Variants in ADCY2 observed in about 807,000 individuals in gnomAD.
ADCY2 encodes adenylate cyclase type 2.
Under a neutral mutation model 125.2 loss-of-function variants are expected in ADCY2, and 31 were observed. The ratio of observed to expected loss-of-function variants is 0.25; its 90% CI spans 0.19 to 0.33. ADCY2 has a LOEUF of 0.33. ADCY2 is among the 10% of genes least tolerant of loss of function. The probability of loss-of-function intolerance (pLI) is 1.00; values close to 1 mark genes in which losing one functional copy is unlikely to be tolerated. For synonymous variants in ADCY2, 512 were observed against 548.4 expected (o/e 0.93, Z 0.93); for missense variants, 904 against 1,418.2 (o/e 0.64, Z 5.82).
intron 23 of ADCY2, among the ~76,000 whole-genome samples, chr5:7,818,335 A>C (rs986791238): frequency 2.7e-5 from 4 of 146,892 alleles, no homozygotes; most frequent in African/African-American, 1.0e-4. Flanking sequence ...GTTTAATCAT[A>C]TTTTTCTTTT....
intron 2 of ADCY2, among the ~76,000 whole-genome samples, chr5:7,476,589 C>A (rs1263082542): frequency 6.6e-6 from 1 of 152,124 alleles, no homozygotes; most frequent in East Asian, 1.9e-4. Context: ...GTAAGGCCAC[C>A]AGTCTTCTCC....
intron 22 of ADCY2, among the ~76,000 whole-genome samples, chr5:7,806,693 T>G (rs964172938): frequency 1.3e-5 from 2 of 152,164 alleles, no homozygotes; most frequent in African/African-American, 4.8e-5. Flanking sequence ...AGCTCCACCC[T>G]TATCATCTTA....
intron 4 of ADCY2, among the ~76,000 whole-genome samples, chr5:7,678,098 T>A (rs1740197415): frequency 6.6e-6 from 1 of 152,254 alleles, no homozygotes; most frequent in African/African-American, 2.4e-5. Context: ...AAATATTTTT[T>A]AATGTAATAT....
chr5:7,420,869 G>A (rs1740176181), intron 2 of ADCY2, among the ~76,000 whole-genome samples: 1 of 152,138 alleles, frequency 6.6e-6, no homozygotes, highest in African/African-American at 2.4e-5. Flanking sequence ...GGGTGATGCT[G>A]CGATTGTGTT....
intron 15 of ADCY2, among the ~76,000 whole-genome samples, chr5:7,746,918 T>G (rs1458969564): frequency 1.3e-5 from 2 of 152,232 alleles, no homozygotes; most frequent in African/African-American, 4.8e-5. Flanking sequence ...TCAAATTGAT[T>G]GCTTGTTTTA....
intron 3 of ADCY2, among the ~76,000 whole-genome samples, chr5:7,583,834 A>G (rs1736516515): frequency 6.6e-6 from 1 of 152,154 alleles, no homozygotes. Context: ...TGAAGTGTCC[A>G]GGAACAGAAT....
Position 7,562,618 on chromosome 5 carries a change from C to T in ADCY2, c.570+41719C>T, listed in dbSNP as rs1432708361. On this transcript the variant is annotated intron_variant, in intron 3 of 24. Transcript: ENST00000338316. ...ATCCTGGAGCATGCGTGCACAGACA[C>T]ACACGTGTACACAGACAGACAGACA... Among the ~76,000 whole-genome samples the T allele has an allele frequency of 1.1e-4, 16 of 152,138 alleles. 1 individual carries two copies. Among genetic ancestry groups the T allele is most frequent in the Admixed American group, 1.0e-3 (16 of 15,264 alleles).
intron 23 of ADCY2, among the ~76,000 whole-genome samples, chr5:7,819,310 C>G (rs1745221563): frequency 6.6e-6 from 1 of 152,200 alleles, no homozygotes; most frequent in Non-Finnish European, 1.5e-5. Context: ...TTAGTATTAA[C>G]TATCGCAATG....
chr5:7,699,567 A>AAGTGTTT (rs1741014484), intron 7 of ADCY2, among the ~76,000 whole-genome samples: 1 of 152,050 alleles, frequency 6.6e-6, no homozygotes, highest in African/African-American at 2.4e-5. Flanking sequence ...AGACTTCATT[A>AAGTGTTT]AGTGTTTAGT....
At chr5:7,563,987 T>G (rs906667532) in intron 3 of ADCY2, among the ~76,000 whole-genome samples, 8 of 152,366 alleles carry the variant, frequency 5.3e-5, no homozygotes, top group African/African-American at 1.9e-4. Context: ...AATTGCACAT[T>G]TAGACTAATT....
At chr5:7,678,910 G>A (rs1285614965) in intron 4 of ADCY2, among the ~76,000 whole-genome samples, 1 of 152,198 alleles carries the variant, frequency 6.6e-6, no homozygotes, top group Non-Finnish European at 1.5e-5. Flanking sequence ...GTGTAATGAG[G>A]CATTCGGTCA....
chr5:7,553,191 A>T (rs1172054100), intron 3 of ADCY2, among the ~76,000 whole-genome samples: 1 of 152,250 alleles, frequency 6.6e-6, no homozygotes, highest in Non-Finnish European at 1.5e-5. Flanking sequence ...TGTACTCATT[A>T]GGGAAATGTT....
intron 18 of ADCY2, among the ~76,000 whole-genome samples, chr5:7,775,090 T>C (rs1421224362): frequency 1.3e-5 from 2 of 151,978 alleles, no homozygotes; most frequent in Admixed American, 6.6e-5. Flanking sequence ...CACTGCAACC[T>C]CTGCCTCCTG....
intron 18 of ADCY2, 103 bp downstream of exon 18, chr5:7,773,204 G>T: frequency 8.1e-7 from 1 of 1,231,606 alleles, no homozygotes; most frequent in South Asian, 1.5e-5. Context: ...CATTGTCATT[G>T]ATAAATCATT....
intron 2 of ADCY2, among the ~76,000 whole-genome samples, chr5:7,482,115 A>T (rs145383052): frequency 6.6e-6 from 1 of 152,134 alleles, no homozygotes; most frequent in African/African-American, 2.4e-5. Context: ...AAATTTTCAA[A>T]AAGTATTGAT....
chr5:7,573,864 C>G (rs1476830373), intron 3 of ADCY2, among the ~76,000 whole-genome samples: 2 of 140,612 alleles, frequency 1.4e-5, no homozygotes, highest in East Asian at 2.0e-4. Flanking sequence ...CACCCACTAA[C>G]TCGTCATCTA....
At chr5:7,486,862 G>C (rs1000879577) in intron 2 of ADCY2, among the ~76,000 whole-genome samples, 2 of 152,186 alleles carry the variant, frequency 1.3e-5, no homozygotes, top group African/African-American at 4.8e-5. Flanking sequence ...CAGGTCCAAG[G>C]TAGGCAAGTC....
At chr5:7,631,383 G>A (rs906324935) in intron 4 of ADCY2, among the ~76,000 whole-genome samples, 2 of 152,146 alleles carry the variant, frequency 1.3e-5, no homozygotes, top group Admixed American at 1.3e-4. Context: ...GACCTAAGTC[G>A]TTTTTCCCAT....
intron 2 of ADCY2, among the ~76,000 whole-genome samples, chr5:7,499,685 A>ATATATATG (rs1743492384): frequency 7.4e-6 from 1 of 135,050 alleles, no homozygotes; most frequent in African/African-American, 3.1e-5. Flanking sequence ...ATATATATGT[A>ATATATATG]TATATATGTG....
Sources: gnomAD v4.1 joint callset for allele counts (sites outside exome capture counted in the v4.1 genomes callset) on GRCh38, gnomAD v4.1.1 for gene constraint, MANE v1.5 for transcripts, NCBI Gene and HGNC (gene_info 2026-07-23, HGNC 2026-07-21) for gene names.